The following ZNF469 variants were observed in gnomAD, a reference collection of about 807,000 sequenced individuals.
ZNF469 encodes the protein zinc finger protein 469.
A neutral mutation model predicts 1.0 loss-of-function variants in ZNF469; 1 was observed. The ratio of observed to expected loss-of-function variants is 1.00; its 90% confidence interval spans 0.35 to 4.73. The LOEUF (loss-of-function observed/expected upper bound fraction) is 4.73. Ranked by LOEUF, ZNF469 falls within the 30% of genes most tolerant of loss-of-function variation. The pLI is 0.16. For synonymous variants in ZNF469, 2,703 were observed against 2,363.4 expected (o/e 1.14, Z -4.17); for missense variants, 6,100 against 5,356.3 (o/e 1.14, Z -4.33).
rs9924504 is a variant in ZNF469 at position 88,430,623 on chromosome 16, T to C, written c.3153T>C (p.Ile1051=). Residue 1051 remains isoleucine, a synonymous_variant, in exon 3 of 3, where the codon ATT becomes ATC. Coordinates refer to ENST00000565624, the MANE Select transcript of ZNF469 (RefSeq NM_001367624.2). ...ARGGAWGKEL[I]LKIVQQKNRR... is the part of the protein sequence containing the mutation. ...GCGGCGCCTGGGGCAAGGAGCTCAT[T>C]CTGAAGATCGTGCAGCAGAAGAACA... 1,504,700 of 1,504,806 alleles carry C rather than the reference T, an allele frequency of 1. 752,297 individuals are homozygous for C. Among genetic ancestry groups the C allele is most frequent in the Middle Eastern group, 1 (5,556 of 5,556 alleles). 93.2% of individuals were successfully genotyped at this position (1,504,806 alleles called of 1,614,324 possible).
At position 88,433,230 on chromosome 16, in the gene ZNF469, G is replaced by T; in HGVS notation, c.5760G>T (p.Leu1920=). The T allele has an allele frequency of 6.5e-7, 1 of 1,550,246 alleles. No individual in the cohort carries two copies. Among genetic ancestry groups the T allele is most frequent in the Non-Finnish European group, 8.7e-7 (1 of 1,146,926 alleles). ...PGVAKSKDGI[L]GLQELTPAAQ... is the part of the protein sequence containing the mutation. Reference sequence around the variant, plus strand: ...TGGCTAAGAGTAAAGATGGCATCCTGGGCTTGCAGGAGCTGACACCTGCTG... The same window carrying T: ...TGGCTAAGAGTAAAGATGGCATCCTTGGCTTGCAGGAGCTGACACCTGCTG... The change falls in exon 3 of 3, where the codon CTG becomes CTT. Residue 1920 remains leucine (L), a synonymous_variant. Coordinates refer to ENST00000565624, the MANE Select transcript of ZNF469 (RefSeq NM_001367624.2).
At chr16:88,208,848 C>T in the ZNF469 span, among the ~76,000 whole-genome samples, 36 of 148,856 alleles carry the variant, frequency 2.4e-4, no homozygotes, top group African/African-American at 8.9e-4. Flanking sequence ...CATACATGAG[C>T]CACGAGCTCC....
chr16:88,305,169 G>T, the ZNF469 span, among the ~76,000 whole-genome samples: 2 of 152,166 alleles, frequency 1.3e-5, no homozygotes, highest in African/African-American at 2.4e-5. Context: ...CATGGGGCAG[G>T]CCACACTGAG....
At chr16:88,287,614 G>T in the ZNF469 span, among the ~76,000 whole-genome samples, 6 of 152,156 alleles carry the variant, frequency 3.9e-5, no homozygotes, top group Non-Finnish European at 8.8e-5. Flanking sequence ...ATCACTTAAA[G>T]CCTTAAAACA....
chr16:88,135,459 C>G, the ZNF469 span, among the ~76,000 whole-genome samples: 21 of 152,352 alleles, frequency 1.4e-4, no homozygotes, highest in East Asian at 4.1e-3. Context: ...TCTGGGCCAA[C>G]AGTGCCAGCC....
At chr16:88,415,641 G>C (rs931760968) in intron 1 of ZNF469, among the ~76,000 whole-genome samples, 1 of 152,200 alleles carries the variant, frequency 6.6e-6, no homozygotes, top group Non-Finnish European at 1.5e-5. Flanking sequence ...AGGAGGACAC[G>C]GACCCAGCCT....
In ZNF469 at chr16:88,438,075, C is replaced by G. The variant is rs375672779; in HGVS notation, c.10605C>G (p.Thr3535=). 1.7e-4 allele frequency: 264 copies of G among 1,550,416 alleles called. No individual in the cohort carries two copies. The African/African-American group carries it at 3.2e-3, about 19-fold the overall frequency. Residue 3535 remains threonine (T), a synonymous_variant, in exon 3 of 3, where the codon ACC becomes ACG. Transcript: ENST00000565624. ...ETLERPVDPV[T]HPIRGCELPS... ...TAGAGAGGCCTGTAGACCCCGTGAC[C>G]CACCCGATCAGAGGTTGTGAGCTGC...
At chr16:88,274,888 G>A in the ZNF469 span, among the ~76,000 whole-genome samples, 6 of 152,232 alleles carry the variant, frequency 3.9e-5, no homozygotes, top group Non-Finnish European at 7.3e-5. Flanking sequence ...TGCTTATGGG[G>A]CAGCACTGGC....
chr16:88,417,075 C>T (rs1567505263), intron 1 of ZNF469, among the ~76,000 whole-genome samples: 1 of 152,198 alleles, frequency 6.6e-6, no homozygotes, highest in Non-Finnish European at 1.5e-5. Context: ...GCACCGCCTG[C>T]CCTTTTCCAG....
the ZNF469 span, among the ~76,000 whole-genome samples, chr16:88,292,312 G>C: frequency 4.6e-5 from 7 of 152,192 alleles, no homozygotes; most frequent in South Asian, 1.2e-3. Context: ...CTGGGGCAGG[G>C]TGGCCCAGGT....
chr16:88,218,770 C>A, the ZNF469 span, among the ~76,000 whole-genome samples: 1 of 151,810 alleles, frequency 6.6e-6, no homozygotes, highest in South Asian at 2.1e-4. Flanking sequence ...CTGGCCAGGG[C>A]AATTAGGCAG....
the ZNF469 span, among the ~76,000 whole-genome samples, chr16:88,122,603 C>T: frequency 6.6e-6 from 1 of 152,174 alleles, no homozygotes; most frequent in African/African-American, 2.4e-5. Flanking sequence ...GATAGTTGGT[C>T]AATAAAATAA....
the ZNF469 span, among the ~76,000 whole-genome samples, chr16:88,319,920 G>A: frequency 6.6e-6 from 1 of 152,212 alleles, no homozygotes; most frequent in Non-Finnish European, 1.5e-5. Flanking sequence ...CCAGAATGGT[G>A]GGCTCCTGAC....
the ZNF469 span, among the ~76,000 whole-genome samples, chr16:88,274,693 A>G: frequency 6.6e-6 from 1 of 152,230 alleles, no homozygotes; most frequent in Non-Finnish European, 1.5e-5. Context: ...TATCCTTGGA[A>G]GAAGGTTTTA....
chr16:88,160,126 A>G, the ZNF469 span, among the ~76,000 whole-genome samples: 2 of 152,204 alleles, frequency 1.3e-5, no homozygotes, highest in African/African-American at 4.8e-5. Flanking sequence ...GAACCCACCG[A>G]AGGGTGCTGA....
the ZNF469 span, among the ~76,000 whole-genome samples, chr16:88,236,031 T>G: frequency 3.3e-4 from 51 of 152,346 alleles, 1 homozygote; most frequent in Non-Finnish European, 1.5e-5. Context: ...TCACCTGGAC[T>G]CAACAGAAAG....
the ZNF469 span, among the ~76,000 whole-genome samples, chr16:88,246,943 G>C: frequency 1.3e-5 from 2 of 151,918 alleles, no homozygotes; most frequent in Non-Finnish European, 2.9e-5. Flanking sequence ...GAATGAGTAA[G>C]TGAATGAATG....
chr16:88,226,969 T>G, the ZNF469 span, among the ~76,000 whole-genome samples: 41 of 151,702 alleles, frequency 2.7e-4, no homozygotes, highest in African/African-American at 9.7e-4. Flanking sequence ...CACCCGTGCC[T>G]CCTCCGCGCC....
chr16:88,214,248 C>T, the ZNF469 span, among the ~76,000 whole-genome samples: 4 of 152,206 alleles, frequency 2.6e-5, no homozygotes, highest in South Asian at 2.1e-4. Flanking sequence ...AGAGCACGCC[C>T]AGGGGTTTTC....
Sources: allele counts gnomAD v4.1 joint callset (sites outside exome capture counted in the v4.1 genomes callset), GRCh38; gene constraint gnomAD v4.1.1; transcripts MANE v1.5; gene names NCBI Gene and HGNC (gene_info 2026-07-23, HGNC 2026-07-21).